UBE2W: variants seen among roughly 807,000 people sequenced by gnomAD.
UBE2W encodes ubiquitin-conjugating enzyme E2 W.
Under a neutral mutation model 27.2 loss-of-function variants are expected in UBE2W, and 18 were observed. That is an observed-to-expected ratio of 0.66 (90% CI 0.46 to 0.98). UBE2W has a LOEUF of 0.98. Among genes scored for constraint, UBE2W ranks in the 50% least tolerant of loss-of-function variants. The probability of loss-of-function intolerance (pLI) is 0.00; values close to 1 mark genes in which losing one functional copy is unlikely to be tolerated. For missense variants in UBE2W, 90 were observed against 180.2 expected (o/e 0.50, Z 2.87); for synonymous variants, 53 against 57.2 (o/e 0.93, Z 0.33).
At chr8:73,863,591 G>GA (rs61406096) in intron 1 of UBE2W, among the ~76,000 whole-genome samples, 3 of 146,472 alleles carry the variant, frequency 2.0e-5, no homozygotes, top group Admixed American at 6.8e-5. Flanking sequence ...AAAAAAAAAA[G>GA]AAAAAAAAAT....
intron 1 of UBE2W, among the ~76,000 whole-genome samples, chr8:73,866,282 A>T (rs1363694425): frequency 2.2e-4 from 22 of 100,386 alleles, no homozygotes; most frequent in African/African-American, 7.3e-4. Context: ...AAAAAAAAAA[A>T]AAAAAAAAAT....
In UBE2W at chr8:73,791,032, T is replaced by G. The variant is rs1247671134; in HGVS notation, c.*3070A>C. 1 of 983,838 alleles carries G rather than the reference T, an allele frequency of 1.0e-6. No homozygotes were observed. The highest frequency in any genetic ancestry group is 1.2e-6 in the Non-Finnish European group (1 of 828,624). The allele number at this position is 983,838 out of a possible 1,614,324, so 60.9% of individuals were successfully genotyped here. A position where few individuals can be genotyped will look rare whatever the true frequency, so the allele number is the denominator to read the frequency against. On this transcript the variant is annotated 3_prime_UTR_variant, in exon 6 of 6. Transcript: ENST00000602593. ...CAAAACAACAAGGAATTAAGATCTT[T>G]CTCCAGGTGAACTGCTGACTATATA...
At chr8:73,808,766 T>G (rs112854917) in intron 4 of UBE2W, among the ~76,000 whole-genome samples, 11 of 152,338 alleles carry the variant, frequency 7.2e-5, no homozygotes, top group African/African-American at 2.4e-4. Flanking sequence ...AAAACATAGT[T>G]TATTAGTGCT....
At chr8:73,838,426 G>C (rs932771920) in intron 1 of UBE2W, among the ~76,000 whole-genome samples, 5 of 152,068 alleles carry the variant, frequency 3.3e-5, no homozygotes, top group African/African-American at 1.2e-4. Context: ...AACAGCCTGC[G>C]ATATGCGACC....
chr8:73,787,161 C>A lies in UBE2W; in HGVS notation c.*6941G>T. Reference sequence around the variant, plus strand: ...AAACATTAAAAATAAATCTTACAGGCAACTAAAAAAATGGTTGAAAGGGGC... The same window carrying A: ...AAACATTAAAAATAAATCTTACAGGAAACTAAAAAAATGGTTGAAAGGGGC... On this transcript the variant is annotated 3_prime_UTR_variant, in exon 6 of 6. Coordinates refer to ENST00000602593, the MANE Select transcript of UBE2W (RefSeq NM_018299.6). 1 of 985,330 alleles carries A rather than the reference C, an allele frequency of 1.0e-6. No individual in the cohort carries two copies. The allele number at this position is 985,330 out of a possible 1,614,324, so 61.0% of individuals were successfully genotyped here.
At position 73,878,851 on chromosome 8, in the gene UBE2W, G is replaced by C. The variant is rs1277891306; in HGVS notation, c.-29C>G. On this transcript the variant is annotated 5_prime_UTR_variant, in exon 1 of 6. Coordinates refer to ENST00000602593, the MANE Select transcript of UBE2W (RefSeq NM_018299.6). ...GGAACCATCCCCCCAAGACCGGCGA[G>C]GCCAGAGACGCAGGGGGAGGAGCTG... is the stretch of plus-strand genomic sequence containing the variant. 1.5e-5 allele frequency: 23 copies of C among 1,547,716 alleles called. 1 individual carries two copies. In the East Asian group the frequency reaches 4.9e-4, roughly 33 times the overall value.
intron 1 of UBE2W, among the ~76,000 whole-genome samples, chr8:73,849,989 A>T (rs1283033602): frequency 6.6e-6 from 1 of 152,218 alleles, no homozygotes; most frequent in African/African-American, 2.4e-5. Flanking sequence ...TAACAACCTC[A>T]AAATAGATAA....
At chr8:73,784,469 A>T (rs1807899752), downstream of UBE2W, among the ~76,000 whole-genome samples, 1 of 152,092 alleles carries the variant, frequency 6.6e-6, no homozygotes, top group African/African-American at 2.4e-5. Context: ...AACTCCTCTA[A>T]TGCTTTCTAG....
intron 1 of UBE2W, among the ~76,000 whole-genome samples, chr8:73,835,714 G>A (rs1477989031): frequency 6.6e-6 from 1 of 152,148 alleles, no homozygotes; most frequent in Non-Finnish European, 1.5e-5. Flanking sequence ...CTGCACTCCA[G>A]CCTGGGCGAG....
intron 1 of UBE2W, among the ~76,000 whole-genome samples, chr8:73,856,402 T>A (rs1201704000): frequency 2.0e-5 from 3 of 146,462 alleles, no homozygotes; most frequent in Non-Finnish European, 4.5e-5. Context: ...CCTTGCTCTG[T>A]CACCCAGGCT....
chr8:73,851,991 T>G (rs998266674), intron 1 of UBE2W, among the ~76,000 whole-genome samples: 1,715 of 90,458 alleles, frequency 0.019, no homozygotes, highest in Middle Eastern at 0.075. Flanking sequence ...AAAGAGAAGG[T>G]GGAGGAAGGG....
chr8:73,856,862 C>G (rs1196006608), intron 1 of UBE2W, among the ~76,000 whole-genome samples: 1 of 152,050 alleles, frequency 6.6e-6, no homozygotes, highest in Non-Finnish European at 1.5e-5. Context: ...TGTGCCACCA[C>G]ACCTGGCTAA....
chr8:73,828,676 G>A (rs1809950099), intron 2 of UBE2W, among the ~76,000 whole-genome samples: 1 of 151,984 alleles, frequency 6.6e-6, no homozygotes, highest in Non-Finnish European at 1.5e-5. Context: ...TATCTTTGGG[G>A]CACATGAGAT....
At chr8:73,823,118 T>G (rs951992650) in intron 3 of UBE2W, among the ~76,000 whole-genome samples, 1 of 151,454 alleles carries the variant, frequency 6.6e-6, no homozygotes, top group Non-Finnish European at 1.5e-5. Context: ...GAAAGAAGAG[T>G]GAGAAGAGTA....
At chr8:73,858,979 CGTGTGTGTGTGTGTGTGT>C (rs59095956) in intron 1 of UBE2W, among the ~76,000 whole-genome samples, 2 of 125,924 alleles carry the variant, frequency 1.6e-5, no homozygotes, top group Non-Finnish European at 3.4e-5. Flanking sequence ...GGGGTTTTTG[CGTGTGTGTGTGTGTGTGT>C]GTGTGTGTGT....
chr8:73,841,763 T>C (rs1466944616), intron 1 of UBE2W, among the ~76,000 whole-genome samples: 6 of 152,152 alleles, frequency 3.9e-5, no homozygotes, highest in Non-Finnish European at 1.5e-5. Flanking sequence ...TAGGACTGGA[T>C]TTTGCCGTGG....
intron 1 of UBE2W, chr8:73,870,323 T>A: frequency 1.3e-6 from 2 of 1,570,466 alleles, no homozygotes; most frequent in Middle Eastern, 1.7e-4. Flanking sequence ...AAGAAAGACC[T>A]CATGTAACAC....
intron 1 of UBE2W, among the ~76,000 whole-genome samples, chr8:73,860,787 C>T (rs1043166185): frequency 2.0e-5 from 3 of 151,956 alleles, no homozygotes; most frequent in Non-Finnish European, 4.4e-5. Context: ...AACAAAAAAC[C>T]TAGGAACAAC....
intron 3 of UBE2W, among the ~76,000 whole-genome samples, chr8:73,811,490 T>C (rs1206156110): frequency 6.6e-6 from 1 of 152,108 alleles, no homozygotes; most frequent in African/African-American, 2.4e-5. Flanking sequence ...AAAGCAGAAG[T>C]CTTATGTTTA....
Sources: gnomAD v4.1 joint callset for allele counts (sites outside exome capture counted in the v4.1 genomes callset) on GRCh38, gnomAD v4.1.1 for gene constraint, MANE v1.5 for transcripts, NCBI Gene and HGNC (gene_info 2026-07-23, HGNC 2026-07-21) for gene names.